The following ANKRD17 variants were observed in gnomAD, a reference collection of about 807,000 sequenced individuals.
ANKRD17 encodes the protein ankyrin repeat domain-containing protein 17.
Under a neutral mutation model 229.7 loss-of-function variants are expected in ANKRD17, and 19 were observed. That is an observed-to-expected ratio of 0.08 (90% CI 0.06 to 0.12). The LOEUF (loss-of-function observed/expected upper bound fraction) is 0.12, where lower values mean the gene tolerates loss of function less well. Among genes scored for constraint, ANKRD17 ranks in the 10% least tolerant of loss-of-function variants. The pLI is 1.00. For missense variants in ANKRD17, 2,176 were observed against 3,176.8 expected (o/e 0.68, Z 7.57); for synonymous variants, 1,112 against 1,146.1 (o/e 0.97, Z 0.60).
In ANKRD17 at chr4:73,073,633, A is replaced by G. The variant is rs1364373458; in HGVS notation, c.*2598T>C. On this transcript the variant is annotated 3_prime_UTR_variant, in exon 34 of 34. Transcript: ENST00000358602. ...TGACTATACGTAGTCATTTACAAAA[A>G]AATTAATTTTCATGTATCAATAAAA... is the stretch of plus-strand genomic sequence containing the variant. 3.3e-5 allele frequency: 5 copies of G among 152,040 alleles called. No individual in the cohort carries two copies. The highest frequency in any genetic ancestry group is 4.8e-5 in the African/African-American group (2 of 41,446). 9.4% of individuals were successfully genotyped at this position (152,040 alleles called of 1,614,324 possible). A position where few individuals can be genotyped will look rare whatever the true frequency, so the allele number is the denominator to read the frequency against.
At position 73,159,025 on chromosome 4, in the gene ANKRD17, G is replaced by A. The variant is rs112391611; in HGVS notation, c.704+2167C>T. Reference sequence around the variant, plus strand: ...CAAGATGACCTCCAACCCAAACACTGTCTTAGCACTTCCCTTTCAATTTTT... The same window carrying A: ...CAAGATGACCTCCAACCCAAACACTATCTTAGCACTTCCCTTTCAATTTTT... On this transcript the variant is annotated intron_variant, in intron 3 of 33. Coordinates refer to ENST00000358602, the MANE Select transcript of ANKRD17 (RefSeq NM_032217.5). 1.9e-3 allele frequency among the ~76,000 whole-genome samples: 287 copies of A among 152,292 alleles called. 1 individual carries two copies. Among genetic ancestry groups the A allele is most frequent in the African/African-American group, 6.6e-3 (275 of 41,558 alleles).
chr4:73,085,139 A>G, intron 30 of ANKRD17, 110 bp downstream of exon 30: 2 of 1,196,818 alleles, frequency 1.7e-6, no homozygotes, highest in South Asian at 1.5e-5. Context: ...CAGACTTCTA[A>G]GAGTACAAAT....
Position 73,077,366 on chromosome 4 carries a change from G to A in ANKRD17, c.7576C>T (p.Pro2526Ser). 1 of 1,602,170 alleles carries A rather than the reference G, an allele frequency of 6.2e-7. No homozygotes were observed. ...AATCAGGACTTTACCCCAACTTTAG[G>A]AAAGTCCATGTAGCCTGCAGGAACA... Reference protein sequence around the residue: ...QHVPAGYMDFPKVGGMPFSVY... With the variant: ...QHVPAGYMDFSKVGGMPFSVY... Residue 2526 changes from proline to serine, a missense_variant, in exon 32 of 34, where the codon CCT becomes TCT. Transcript: ENST00000358602.
intron 15 of ANKRD17, among the ~76,000 whole-genome samples, chr4:73,137,700 C>A (rs1387887239): frequency 1.3e-5 from 2 of 152,072 alleles, no homozygotes; most frequent in East Asian, 3.9e-4. Flanking sequence ...GGCTATGTTT[C>A]TCTCCCCATA....
rs376201959 is a variant in ANKRD17, at chr4:73,159,064, T to A, written c.704+2128A>T. Among the ~76,000 whole-genome samples the A allele has an allele frequency of 6.6e-5, 10 of 152,250 alleles. No homozygotes were observed. In the East Asian group the frequency reaches 7.7e-4, roughly 12 times the overall value. ...CTTTCAATTTTTCCCATAGTTATAT[T>A]ATTATGTGCAATACTATATATTTTA... On this transcript the variant is annotated intron_variant, in intron 3 of 33. Transcript: ENST00000358602.
At chr4:73,158,166 A>AAGAAAGAAAGAAAGAAAGAAAG (rs1731982678) in intron 3 of ANKRD17, among the ~76,000 whole-genome samples, 1 of 150,294 alleles carries the variant, frequency 6.7e-6, no homozygotes, top group Non-Finnish European at 1.5e-5. Context: ...GAAAGAAAGA[A>AAGAAAGAAAGAAAGAAAGAAAG]AGAAAGAAAG....
chr4:73,196,885 T>C lies in ANKRD17; in HGVS notation c.394-19352A>G, dbSNP rs114523660. Among the ~76,000 whole-genome samples the C allele has an allele frequency of 2.8e-3, 431 of 152,318 alleles. 5 individuals carry two copies. Among genetic ancestry groups the C allele is most frequent in the African/African-American group, 0.01 (422 of 41,562 alleles). On this transcript the variant is annotated intron_variant, in intron 1 of 33. Coordinates refer to ENST00000358602, the MANE Select transcript of ANKRD17 (RefSeq NM_032217.5). ...AATCTGATTTACATTTTAAAGGGAA[T>C]TGGAATACTTAAGAAATCTGATTTT...
intron 11 of ANKRD17, 25 bp from the exon 12 acceptor site, chr4:73,142,792 T>G (rs747676655): frequency 6.3e-7 from 1 of 1,588,468 alleles, no homozygotes; most frequent in South Asian, 1.2e-5. Flanking sequence ...GCATGGAAAA[T>G]CATATTAGTA....
intron 15 of ANKRD17, among the ~76,000 whole-genome samples, chr4:73,137,042 C>A (rs1728994417): frequency 7.2e-6 from 1 of 139,130 alleles, no homozygotes; most frequent in Admixed American, 7.7e-5. Flanking sequence ...TAAAAGGAGA[C>A]AGGAAAAATC....
intron 2 of ANKRD17, 136 bp downstream of exon 2, chr4:73,177,244 A>T: frequency 1.2e-6 from 1 of 858,616 alleles, no homozygotes; most frequent in Non-Finnish European, 1.6e-6. Context: ...GTAATTCAGC[A>T]GAAAGTAATC....
chr4:73,100,775 C>T, intron 25 of ANKRD17: 2 of 907,556 alleles, frequency 2.2e-6, no homozygotes, highest in South Asian at 1.0e-4. Context: ...TTAAAATTTT[C>T]TGTAGTTTGA....
chr4:73,133,485 G>T (rs1371177391), intron 16 of ANKRD17, among the ~76,000 whole-genome samples: 2 of 149,626 alleles, frequency 1.3e-5, no homozygotes, highest in Non-Finnish European at 3.0e-5. Context: ...CCATCTCCCG[G>T]ATTAAAGTGA....
intron 2 of ANKRD17, 119 bp downstream of exon 2, chr4:73,177,261 C>A (rs995799554): frequency 5.0e-6 from 5 of 990,914 alleles, no homozygotes; most frequent in African/African-American, 1.7e-5. Context: ...AATCAATTAA[C>A]CTTTATTAAT....
intron 1 of ANKRD17, among the ~76,000 whole-genome samples, chr4:73,221,957 T>A (rs570064169): frequency 1.3e-5 from 2 of 152,266 alleles, no homozygotes; most frequent in South Asian, 4.1e-4. Flanking sequence ...ATAGGCTTTT[T>A]TCTCCTGCTA....
In ANKRD17 at chr4:73,091,991, A is replaced by C; in HGVS notation, c.5637T>G (p.Val1879=). 6.2e-7 allele frequency: 1 copy of C among 1,614,206 alleles called. No individual in the cohort carries two copies. The stretch of plus-strand genomic sequence containing the variant: ...GAGGAGGATATGCTAATGGAAGAGA[A>C]ACTGGAAAACCAGGCCTCACATTAT... ...PVNNVRPGFP[V]SLPLAYPPPQ... Residue 1879 remains valine, a synonymous_variant, in exon 29 of 34, where the codon GTT becomes GTG. Coordinates refer to ENST00000358602, the MANE Select transcript of ANKRD17 (RefSeq NM_032217.5).
intron 23 of ANKRD17, among the ~76,000 whole-genome samples, chr4:73,114,620 C>T (rs1166455622): frequency 2.0e-5 from 3 of 152,012 alleles, no homozygotes; most frequent in South Asian, 2.1e-4. Context: ...GAGACTACAG[C>T]TGTGTGCCAC....
chr4:73,078,066 A>G (rs1042546063), intron 31 of ANKRD17, among the ~76,000 whole-genome samples: 2 of 151,858 alleles, frequency 1.3e-5, no homozygotes, highest in Non-Finnish European at 2.9e-5. Context: ...CCTGATCAAC[A>G]TGGTGAAACC....
At chr4:73,235,654 T>C (rs1209801156) in intron 1 of ANKRD17, among the ~76,000 whole-genome samples, 3 of 152,184 alleles carry the variant, frequency 2.0e-5, no homozygotes, top group Non-Finnish European at 4.4e-5. Flanking sequence ...CCCGGATAAA[T>C]AGAGTTATAC....
intron 31 of ANKRD17, 114 bp from the exon 32 acceptor site, chr4:73,077,647 C>T (rs1721129932): frequency 1.1e-6 from 1 of 874,566 alleles, no homozygotes; most frequent in African/African-American, 1.7e-5. Context: ...AATATAATGA[C>T]CTACTTTTAT....
Sources: gnomAD v4.1 joint callset for allele counts (sites outside exome capture counted in the v4.1 genomes callset) on GRCh38, gnomAD v4.1.1 for gene constraint, MANE v1.5 for transcripts, NCBI Gene and HGNC (gene_info 2026-07-23, HGNC 2026-07-21) for gene names.